Variants in ERC2 observed in about 807,000 individuals in gnomAD.
ERC2 encodes ELKS/RAB6-interacting/CAST family member 2.
A neutral mutation model predicts 114.8 loss-of-function variants in ERC2; 42 were observed. The ratio of observed to expected loss-of-function variants is 0.37; its 90% CI spans 0.29 to 0.47. ERC2 has a LOEUF of 0.47. ERC2 is among the 20% of genes least tolerant of loss of function. The pLI is 0.99. For synonymous variants in ERC2, 454 were observed against 425.5 expected (o/e 1.07, Z -0.82); for missense variants, 939 against 1,150.7 (o/e 0.82, Z 2.66).
intron 6 of ERC2, among the ~76,000 whole-genome samples, chr3:56,087,688 TA>T (rs2077575856): frequency 6.6e-6 from 1 of 152,110 alleles, no homozygotes. Flanking sequence ...AAGAATTGAA[TA>T]AACAGGCTAT....
chr3:55,849,553 A>C (rs971993138), intron 14 of ERC2, among the ~76,000 whole-genome samples: 2 of 152,086 alleles, frequency 1.3e-5, no homozygotes, highest in African/African-American at 2.4e-5. Flanking sequence ...TCAAATTTGG[A>C]TGTAATAGCT....
At chr3:56,043,667 A>G (rs1018610862) in intron 7 of ERC2, among the ~76,000 whole-genome samples, 5 of 152,112 alleles carry the variant, frequency 3.3e-5, no homozygotes, top group Non-Finnish European at 7.4e-5. Flanking sequence ...TCGTTAATAC[A>G]TTTTCTTTTA....
chr3:56,463,367 G>A lies in ERC2; in HGVS notation c.-141+4881C>T, dbSNP rs77194737. Among the ~76,000 whole-genome samples, 639 of 152,290 alleles carry A rather than the reference G, an allele frequency of 4.2e-3. 2 individuals are homozygous for A. The highest frequency in any genetic ancestry group is 0.014 in the African/African-American group (594 of 41,564). On this transcript the variant is annotated intron_variant, in intron 1 of 17. Transcript: ENST00000288221. ...AAAGTTCTTGGAGTATACCACCCAC[G>A]TGTGTCTCACTCACTACATTTTCAG... is the stretch of plus-strand genomic sequence containing the variant.
chr3:55,760,264 C>A (rs1435771104), intron 14 of ERC2, among the ~76,000 whole-genome samples: 11 of 152,186 alleles, frequency 7.2e-5, no homozygotes. Context: ...ATCTTCCCAT[C>A]CCCTTCTTCC....
At chr3:56,040,602 T>C (rs2075099416) in intron 7 of ERC2, among the ~76,000 whole-genome samples, 2 of 129,670 alleles carry the variant, frequency 1.5e-5, no homozygotes, top group South Asian at 4.8e-4. Flanking sequence ...TATCTATATA[T>C]GTATATATAA....
intron 2 of ERC2, among the ~76,000 whole-genome samples, chr3:56,334,318 T>C (rs184979932): frequency 2.6e-4 from 39 of 152,302 alleles, no homozygotes; most frequent in Non-Finnish European, 5.4e-4. Flanking sequence ...GCTGGAGAAG[T>C]AGGCCATAGG....
chr3:55,979,125 C>T (rs770873906), intron 12 of ERC2, among the ~76,000 whole-genome samples: 3 of 152,210 alleles, frequency 2.0e-5, no homozygotes, highest in Non-Finnish European at 1.5e-5. Flanking sequence ...CTGTGAGCAA[C>T]ATATCATGCT....
intron 17 of ERC2, among the ~76,000 whole-genome samples, chr3:55,630,822 T>G (rs151089532): frequency 6.6e-6 from 1 of 152,286 alleles, no homozygotes; most frequent in Non-Finnish European, 1.5e-5. Flanking sequence ...GGTGTGCCAC[T>G]TGAAAATTAA....
At chr3:56,199,711 G>A (rs77881794) in intron 3 of ERC2, among the ~76,000 whole-genome samples, 4,331 of 152,078 alleles carry the variant, frequency 0.028, 69 homozygotes, top group Middle Eastern at 0.054. Flanking sequence ...GTCTCACTAC[G>A]TTGCCGAGGC....
chr3:55,614,496 A>G (rs553468420), intron 17 of ERC2, among the ~76,000 whole-genome samples: 1 of 152,254 alleles, frequency 6.6e-6, no homozygotes, highest in East Asian at 1.9e-4. Context: ...AACTGTCTAC[A>G]GGTATGGTAA....
At chr3:56,246,445 C>A (rs1418114785) in intron 3 of ERC2, among the ~76,000 whole-genome samples, 1 of 152,090 alleles carries the variant, frequency 6.6e-6, no homozygotes, top group African/African-American at 2.4e-5. Flanking sequence ...TGTTGACAAC[C>A]ACTGTTCTAA....
intron 16 of ERC2, among the ~76,000 whole-genome samples, chr3:55,684,422 C>T (rs2062222008): frequency 2.0e-5 from 3 of 152,108 alleles, no homozygotes. Context: ...AAACATGCTG[C>T]GATCTTCTTA....
chr3:55,891,135 C>A (rs927324212), intron 13 of ERC2, among the ~76,000 whole-genome samples: 1 of 152,210 alleles, frequency 6.6e-6, no homozygotes, highest in African/African-American at 2.4e-5. Flanking sequence ...GACCCCACAT[C>A]CCCTCACCCT....
intron 17 of ERC2, among the ~76,000 whole-genome samples, chr3:55,627,452 C>T (rs949867053): frequency 7.9e-5 from 12 of 151,248 alleles, no homozygotes; most frequent in African/African-American, 2.4e-4. Context: ...GGCGACAGAG[C>T]GAGACTCCAT....
chr3:55,921,871 A>C (rs1264163710), intron 13 of ERC2, among the ~76,000 whole-genome samples: 2 of 152,176 alleles, frequency 1.3e-5, no homozygotes, highest in East Asian at 3.9e-4. Context: ...GATAATTTCT[A>C]CTGTTAATAT....
At chr3:55,547,817 C>A (rs1272437646) in intron 17 of ERC2, among the ~76,000 whole-genome samples, 1 of 152,196 alleles carries the variant, frequency 6.6e-6, no homozygotes, top group African/African-American at 2.4e-5. Flanking sequence ...TTTTATAAGA[C>A]CCTCAACAAA....
chr3:56,242,459 G>C (rs1338403608), intron 3 of ERC2, among the ~76,000 whole-genome samples: 2 of 146,610 alleles, frequency 1.4e-5, no homozygotes, highest in Non-Finnish European at 3.0e-5. Context: ...CAAAACTATT[G>C]AAATTAAATT....
At chr3:56,062,529 C>T (rs542295166) in intron 7 of ERC2, among the ~76,000 whole-genome samples, 9 of 152,258 alleles carry the variant, frequency 5.9e-5, no homozygotes, top group East Asian at 5.8e-4. Flanking sequence ...ATGCTGATTA[C>T]AAAAAATAAT....
intron 7 of ERC2, among the ~76,000 whole-genome samples, chr3:56,068,335 T>C (rs2076575315): frequency 3.3e-5 from 5 of 152,222 alleles, no homozygotes; most frequent in Admixed American, 3.3e-4. Context: ...TAGAGGTGTT[T>C]GTACTCTTCT....
Sources: gnomAD v4.1 joint callset for allele counts (sites outside exome capture counted in the v4.1 genomes callset) on GRCh38, gnomAD v4.1.1 for gene constraint, MANE v1.5 for transcripts, NCBI Gene and HGNC (gene_info 2026-07-23, HGNC 2026-07-21) for gene names.